The following SLC4A8 variants were observed in gnomAD, a reference collection of about 807,000 sequenced individuals.
The protein encoded by SLC4A8 is electroneutral sodium bicarbonate exchanger 1.
A neutral mutation model predicts 125.0 loss-of-function variants in SLC4A8; 40 were observed. The ratio of observed to expected loss-of-function variants is 0.32; its 90% CI spans 0.25 to 0.42. The LOEUF is 0.42. Ranked by LOEUF, SLC4A8 falls within the 10% of genes least tolerant of loss-of-function variation. The pLI, the probability that SLC4A8 is intolerant of heterozygous loss-of-function variation, is 1.00. For synonymous variants in SLC4A8, 456 were observed against 476.0 expected, an observed-to-expected ratio of 0.96 and a Z score of 0.55; for missense variants, 863 against 1,355.1, an observed-to-expected ratio of 0.64 and a Z score of 5.70.
At chr12:51,403,868 G>A (rs1948441499) in intron 1 of SLC4A8, among the ~76,000 whole-genome samples, 2 of 152,248 alleles carry the variant, frequency 1.3e-5, no homozygotes. Flanking sequence ...TTGCTAAAAG[G>A]CATCCTTTCT....
intron 11 of SLC4A8, among the ~76,000 whole-genome samples, chr12:51,467,177 G>A (rs577800868): frequency 2.0e-4 from 30 of 152,240 alleles, no homozygotes; most frequent in African/African-American, 7.2e-4. Context: ...TTTACCTAGA[G>A]GAGAAAGCAA....
chr12:51,422,707 T>C (rs1304586328), upstream of SLC4A8, among the ~76,000 whole-genome samples: 1 of 152,190 alleles, frequency 6.6e-6, no homozygotes, highest in African/African-American at 2.4e-5. Flanking sequence ...CTCTTCTCAA[T>C]AACTTTCTGC....
In SLC4A8 at chr12:51,468,059, C is replaced by T. The variant is rs564784676; in HGVS notation, c.1350-1555C>T. Among the ~76,000 whole-genome samples, 5 of 152,258 alleles carry T rather than the reference C, an allele frequency of 3.3e-5. No homozygotes were observed. In the South Asian group the frequency reaches 1.0e-3, roughly 32 times the overall value. On this transcript the variant is annotated intron_variant, in intron 11 of 24. Coordinates refer to ENST00000453097, the MANE Select transcript of SLC4A8 (RefSeq NM_001039960.3). ...TTCCCATTCTGTAATAGTCCCTTTT[C>T]CTTTTTTTCTATGCCATTTATTGGT... is the stretch of plus-strand genomic sequence containing the variant.
At chr12:51,453,439 G>C (rs1383263653) in intron 4 of SLC4A8, 100 bp from the exon 5 acceptor site, 3 of 1,216,602 alleles carry the variant, frequency 2.5e-6, no homozygotes, top group Non-Finnish European at 3.5e-6. Flanking sequence ...TGTTCAGTAT[G>C]ACTATCCAGA....
At chr12:51,396,187 G>A (rs1565746855) in intron 1 of SLC4A8, among the ~76,000 whole-genome samples, 1 of 152,214 alleles carries the variant, frequency 6.6e-6, no homozygotes, top group South Asian at 2.1e-4. Context: ...TTGGATGTTA[G>A]CCATTATAAT....
At chr12:51,482,778 C>A (rs183396890) in intron 16 of SLC4A8, among the ~76,000 whole-genome samples, 2 of 152,242 alleles carry the variant, frequency 1.3e-5, no homozygotes, top group Admixed American at 1.3e-4. Flanking sequence ...AGTGAAGCAT[C>A]CAAATAGACA....
At position 51,462,457 on chromosome 12, in the gene SLC4A8, G is replaced by A; in HGVS notation, c.1248+1G>A. 1 of 1,564,572 alleles carries A rather than the reference G, an allele frequency of 6.4e-7. No homozygotes were observed. The highest frequency in any genetic ancestry group is 8.6e-7 in the Non-Finnish European group (1 of 1,159,248). ...GCCACCCAAAAATGTCCCTTCCCAG[G>A]TAATGTATGCACATCAGCCAATGTG... On this transcript the variant is annotated splice_donor_variant, in intron 10 of 24. Transcript: ENST00000453097. LOFTEE classifies it high-confidence loss of function.
intron 1 of SLC4A8, among the ~76,000 whole-genome samples, chr12:51,413,874 T>C (rs1220854363): frequency 6.6e-6 from 1 of 152,230 alleles, no homozygotes; most frequent in East Asian, 1.9e-4. Flanking sequence ...AACTTTCTTC[T>C]TTTTGCTCAG....
rs535497011 is a variant in SLC4A8, at chr12:51,402,454, G to A, written c.-112+10966G>A. Among the ~76,000 whole-genome samples, 3 of 152,284 alleles carry A rather than the reference G, an allele frequency of 2.0e-5. No homozygotes were observed. The South Asian group carries it at 6.2e-4, about 32-fold the overall frequency. On this transcript the variant is annotated intron_variant, in intron 1 of 24. Transcript: ENST00000358657. ...GGCTAAAGTGAGGCCTGGCACAGTA[G>A]CTCACGCCTGTAATCTCAACACTTT...
At chr12:51,496,919 G>T in intron 21 of SLC4A8, 68 bp from the exon 22 acceptor site, 2 of 1,513,206 alleles carry the variant, frequency 1.3e-6, no homozygotes, top group South Asian at 2.4e-5. Context: ...TGAAAATAAG[G>T]CTTTGCTTTT....
intron 10 of SLC4A8, among the ~76,000 whole-genome samples, chr12:51,463,192 C>A (rs1253185276): frequency 6.6e-6 from 1 of 152,096 alleles, no homozygotes; most frequent in African/African-American, 2.4e-5. Context: ...ATTCAGCCTT[C>A]CCAGGAACAT....
chr12:51,417,854 G>A (rs1269649946), intron 1 of SLC4A8, among the ~76,000 whole-genome samples: 9 of 152,278 alleles, frequency 5.9e-5, no homozygotes, highest in East Asian at 1.9e-4. Flanking sequence ...GTTTTGCCAC[G>A]TTGGCCAAGC....
chr12:51,420,864 T>C (rs975589727), upstream of SLC4A8, among the ~76,000 whole-genome samples: 3 of 152,198 alleles, frequency 2.0e-5, no homozygotes, highest in East Asian at 5.8e-4. Flanking sequence ...TCTCCATCTA[T>C]TAACTGTGCT....
chr12:51,469,917 A>G, intron 12 of SLC4A8, 129 bp downstream of exon 12: 5 of 765,452 alleles, frequency 6.5e-6, no homozygotes, highest in Non-Finnish European at 1.1e-5. Flanking sequence ...CTGAATTACC[A>G]TGGTCTTCTG....
At chr12:51,402,846 A>G (rs980845918) in intron 1 of SLC4A8, among the ~76,000 whole-genome samples, 1 of 152,192 alleles carries the variant, frequency 6.6e-6, no homozygotes, top group African/African-American at 2.4e-5. Flanking sequence ...ATGGGCAAAG[A>G]CGGGTGTCTT....
intron 2 of SLC4A8, among the ~76,000 whole-genome samples, chr12:51,443,842 C>G (rs1016985732): frequency 1.3e-5 from 2 of 152,188 alleles, no homozygotes; most frequent in Non-Finnish European, 2.9e-5. Flanking sequence ...TGTGCGTGTA[C>G]TGCATTGTAC....
intron 1 of SLC4A8, among the ~76,000 whole-genome samples, chr12:51,394,789 A>G (rs990021125): frequency 2.0e-5 from 3 of 152,236 alleles, no homozygotes; most frequent in Non-Finnish European, 4.4e-5. Context: ...CCCTCGCAAC[A>G]TGCAATTTAC....
At chr12:51,461,018 T>C (rs1950308511) in intron 8 of SLC4A8, among the ~76,000 whole-genome samples, 186 bp from the exon 9 acceptor site, 1 of 152,084 alleles carries the variant, frequency 6.6e-6, no homozygotes, top group African/African-American at 2.4e-5. Flanking sequence ...CCAATGCCCA[T>C]AGTGGAGCTA....
chr12:51,489,611 A>C (rs2138396965), intron 18 of SLC4A8, 89 bp from the exon 19 acceptor site: 3 of 1,538,398 alleles, frequency 2.0e-6, no homozygotes, highest in Non-Finnish European at 2.6e-6. Context: ...ACACCCCTTC[A>C]TGCTTTGGGC....
Sources: gnomAD v4.1 joint callset for allele counts (sites outside exome capture counted in the v4.1 genomes callset) on GRCh38, gnomAD v4.1.1 for gene constraint, MANE v1.5 for transcripts, NCBI Gene and HGNC (gene_info 2026-07-23, HGNC 2026-07-21) for gene names.